MYH14: variants seen among roughly 807,000 people sequenced by gnomAD.
MYH14 encodes myosin heavy chain 14.
A neutral mutation model predicts 255.5 loss-of-function variants in MYH14; 123 were observed. The observed-to-expected ratio is 0.48, with a 90% CI of 0.42 to 0.56. MYH14 has a LOEUF of 0.56. Ranked by LOEUF, MYH14 falls within the 20% of genes least tolerant of loss-of-function variation. The probability of loss-of-function intolerance (pLI) is 0.00; values close to 1 mark genes in which losing one functional copy is unlikely to be tolerated. For synonymous variants in MYH14, 1,095 were observed against 1,161.2 expected (o/e 0.94, Z 1.16); for missense variants, 2,423 against 2,802.3 (o/e 0.86, Z 3.06).
chr19:50,223,363 C>T lies in MYH14; in HGVS notation c.693+14C>T. On this transcript the variant is annotated intron_variant, in intron 5 of 42. Transcript: ENST00000642316. ...CCGGGTGTCCCCGTAAGCAACCCCG[C>T]CTTGGGTCACCCCCGGGCCCTGCCA... 3 of 1,533,988 alleles carry T rather than the reference C, an allele frequency of 2.0e-6. No individual in the cohort carries two copies. Among genetic ancestry groups the T allele is most frequent in the East Asian group, 2.4e-5 (1 of 41,060 alleles).
In MYH14 at chr19:50,286,704, G is replaced by A; in HGVS notation, c.4752+10G>A. ...TGACGTCGGCAAGAGCGTGAGCAGG[G>A]CCCCCGCTCCCCGGGACACACTGGG... On this transcript the variant is annotated intron_variant, in intron 34 of 42. Coordinates refer to ENST00000642316, the MANE Select transcript of MYH14 (RefSeq NM_001145809.2). 6.4e-7 allele frequency: 1 copy of A among 1,560,764 alleles called. No homozygotes were observed. Among genetic ancestry groups the A allele is most frequent in the Non-Finnish European group, 8.7e-7 (1 of 1,153,792 alleles).
chr19:50,301,699 T>C lies in MYH14; in HGVS notation c.5508T>C (p.Ser1836=), dbSNP rs1182303986. ...SLTTELSAER[S]FSAKAESGRQ... Reference sequence around the variant, plus strand: ...CCACAGAGCTGTCAGCTGAGCGCAGTTTCTCAGCCAAGGCAGAGAGCGGGC... The same window carrying C: ...CCACAGAGCTGTCAGCTGAGCGCAGCTTCTCAGCCAAGGCAGAGAGCGGGC... Residue 1836 remains serine (S), a synonymous_variant, in exon 40 of 43, where the codon AGT becomes AGC. Coordinates refer to ENST00000642316, the MANE Select transcript of MYH14 (RefSeq NM_001145809.2). The C allele has an allele frequency of 1.2e-6, 2 of 1,613,706 alleles. No homozygotes were observed. Among genetic ancestry groups the C allele is most frequent in the Non-Finnish European group, 1.7e-6 (2 of 1,179,786 alleles).
chr19:50,307,148 C>A lies in MYH14; in HGVS notation c.5778C>A (p.Leu1926=). The change falls in exon 41 of 43, where the codon CTC becomes CTA. Residue 1926 remains leucine, a synonymous_variant. Coordinates refer to ENST00000642316, the MANE Select transcript of MYH14 (RefSeq NM_001145809.2). The part of the protein sequence containing the change: ...VEEERRVADQ[L]RDQLEKGNLR... ...AGGAGCGGAGGGTGGCTGACCAGCT[C>A]CGGGACCAGGTAAGCAGCTGGCATC... The A allele has an allele frequency of 6.5e-7, 1 of 1,546,562 alleles. No homozygotes were observed. The highest frequency in any genetic ancestry group is 8.7e-7 in the Non-Finnish European group (1 of 1,144,262).
At chr19:50,244,810 C>T (rs2034038235) in intron 11 of MYH14, among the ~76,000 whole-genome samples, 1 of 152,038 alleles carries the variant, frequency 6.6e-6, no homozygotes, top group African/African-American at 2.4e-5. Context: ...TGAGTCTTTG[C>T]CAAAATAACA....
In MYH14 at chr19:50,248,778, C is replaced by T. The variant is rs373135359; in HGVS notation, c.1330-209C>T. Among the ~76,000 whole-genome samples, 75 of 152,306 alleles carry T rather than the reference C, an allele frequency of 4.9e-4. 1 individual carries two copies. The South Asian group carries it at 0.014, about 29-fold the overall frequency. On this transcript the variant is annotated intron_variant, in intron 12 of 42. Transcript: ENST00000642316. Reference sequence around the variant, plus strand: ...GGAAGGATTCAAGGGCTAACACATCCGAGCCCGTCATGTAGTACCTGGTGC... The same window carrying T: ...GGAAGGATTCAAGGGCTAACACATCTGAGCCCGTCATGTAGTACCTGGTGC...
At chr19:50,272,180 C>T (rs1017367331) in intron 26 of MYH14, among the ~76,000 whole-genome samples, 1 of 152,166 alleles carries the variant, frequency 6.6e-6, no homozygotes, top group African/African-American at 2.4e-5. Context: ...CTTGGGTTGT[C>T]CTCCTTTCTT....
rs773145169 is a variant in MYH14, at chr19:50,292,351, C to T, written c.5218C>T (p.Leu1740Phe). 1 of 1,592,018 alleles carries T rather than the reference C, an allele frequency of 6.3e-7. No homozygotes were observed. Among genetic ancestry groups the T allele is most frequent in the Non-Finnish European group, 8.5e-7 (1 of 1,169,870 alleles). The change falls in exon 37 of 43, where the codon CTC (leucine) becomes TTC (phenylalanine). Residue 1740 changes from leucine to phenylalanine, a missense_variant. Physicochemically the swap from Leu to Phe is conservative, Grantham distance 22. This residue lies in a region of MYH14 where 1,513 missense variants were observed against 1,674.8 expected (regional missense o/e 0.90). Coordinates refer to ENST00000642316, the MANE Select transcript of MYH14 (RefSeq NM_001145809.2). ...FSQNRESEKRLKGLEAEVLRL... is the reference protein window; with the variant it reads ...FSQNRESEKRFKGLEAEVLRL... ...CCAGAATCGGGAAAGTGAAAAGCGC[C>T]TCAAGGGCCTGGAGGCTGAGGTGCT...
chr19:50,267,027 G>A lies in MYH14; in HGVS notation c.2826+19G>A. The A allele has an allele frequency of 6.5e-7, 1 of 1,536,492 alleles. No individual in the cohort carries two copies. The highest frequency in any genetic ancestry group is 1.2e-5 in the South Asian group (1 of 84,112). ...GGCACAGGTGAGGGGGCGGGGGCAG[G>A]GCGTGGGGGCGTGTCTTCGGGGTGG... On this transcript the variant is annotated intron_variant, in intron 23 of 42. Coordinates refer to ENST00000642316, the MANE Select transcript of MYH14 (RefSeq NM_001145809.2).
At chr19:50,237,608 G>A (rs1353986554) in intron 10 of MYH14, among the ~76,000 whole-genome samples, 1 of 152,138 alleles carries the variant, frequency 6.6e-6, no homozygotes. Context: ...GATTACAGGC[G>A]TGAGCCACCG....
At position 50,268,198 on chromosome 19, in the gene MYH14, G is replaced by T. The variant is rs576611342; in HGVS notation, c.2864G>T (p.Arg955Leu). ...EERARLAEQLRAEAELCAEAE... is the reference protein window; with the variant it reads ...EERARLAEQLLAEAELCAEAE... ...CGCGCCCGCCTGGCAGAGCAATTGC[G>T]AGCAGAGGCAGAACTGTGTGCAGAG... The change falls in exon 24 of 43, where the codon CGA becomes CTA. Residue 955 changes from arginine (R) to leucine (L), a missense_variant. By Grantham distance (102) the Arg-to-Leu change is moderately radical. Coordinates refer to ENST00000642316, the MANE Select transcript of MYH14 (RefSeq NM_001145809.2). The T allele has an allele frequency of 1.3e-6, 2 of 1,554,306 alleles. No individual in the cohort carries two copies. Among genetic ancestry groups the T allele is most frequent in the Non-Finnish European group, 8.7e-7 (1 of 1,150,090 alleles).
At chr19:50,260,240 T>A (rs2034772673) in intron 19 of MYH14, among the ~76,000 whole-genome samples, 2 of 151,954 alleles carry the variant, frequency 1.3e-5, no homozygotes, top group African/African-American at 4.8e-5. Flanking sequence ...AGCCTGGCCA[T>A]CATGGAGAAA....
chr19:50,242,020 G>A (rs1003620130), intron 10 of MYH14, among the ~76,000 whole-genome samples: 2 of 152,162 alleles, frequency 1.3e-5, no homozygotes, highest in Non-Finnish European at 2.9e-5. Flanking sequence ...AAACTGTTGG[G>A]AATTTGTTGC....
intron 30 of MYH14, 94 bp from the exon 31 acceptor site, chr19:50,279,943 C>T: frequency 2.2e-6 from 2 of 914,064 alleles, no homozygotes; most frequent in Non-Finnish European, 3.5e-6. Context: ...TGTAACATTT[C>T]ACATTCCTGC....
chr19:50,293,467 G>T lies in MYH14; in HGVS notation c.5346-97G>T, dbSNP rs1249366775. 2.6e-6 allele frequency: 4 copies of T among 1,557,402 alleles called. No individual in the cohort carries two copies. The highest frequency in any genetic ancestry group is 1.4e-5 in the African/African-American group (1 of 73,792). On this transcript the variant is annotated intron_variant, in intron 38 of 42. Transcript: ENST00000642316. The surrounding 1 kb of genome is among the most constrained non-coding windows in gnomAD (Gnocchi z 4.1). ...GGCCCCTGGGGTGTGAGGCTGGGGAGATGCGTGGGGCTAACCACAGGGTCC... is the reference window on the plus strand; with the variant it reads ...GGCCCCTGGGGTGTGAGGCTGGGGATATGCGTGGGGCTAACCACAGGGTCC...
Position 50,234,155 on chromosome 19 carries a change from G to A in MYH14, c.1114+2085G>A, listed in dbSNP as rs1005062063. Among the ~76,000 whole-genome samples the A allele has an allele frequency of 2.6e-4, 40 of 151,972 alleles. 1 individual carries two copies. Among genetic ancestry groups the A allele is most frequent in the Non-Finnish European group, 1.5e-5 (1 of 68,004 alleles). On this transcript the variant is annotated intron_variant, in intron 10 of 42. Coordinates refer to ENST00000642316, the MANE Select transcript of MYH14 (RefSeq NM_001145809.2). ...CACTGGTATGATTTTATCTTAACTC[G>A]TTACATCCGTAATGACCCTGTTTCC...
intron 39 of MYH14, among the ~76,000 whole-genome samples, chr19:50,297,211 C>T (rs1195325930): frequency 6.6e-6 from 1 of 152,046 alleles, no homozygotes; most frequent in African/African-American, 2.4e-5. Flanking sequence ...CTCTCAAACT[C>T]CTGACCTCGT....
At position 50,263,146 on chromosome 19, in the gene MYH14, C is replaced by T. The variant is rs1968381; in HGVS notation, c.2586-166C>T. Among the ~76,000 whole-genome samples the T allele has an allele frequency of 0.28, 42,053 of 151,936 alleles. 6,145 individuals carry two copies. Among genetic ancestry groups the T allele is most frequent in the East Asian group, 0.53 (2,732 of 5,144 alleles). ...CCTGGGAGGTGGAGGTTGCAGTGAG[C>T]CCAGATCATGCCATTGCACTCCAGC... On this transcript the variant is annotated intron_variant, in intron 21 of 42. Transcript: ENST00000642316.
chr19:50,295,051 C>T (rs1473590557), intron 39 of MYH14, among the ~76,000 whole-genome samples: 6 of 148,544 alleles, frequency 4.0e-5, no homozygotes, highest in Non-Finnish European at 5.9e-5. Context: ...TGTGGCCGGG[C>T]GCGGTGGCTC....
In MYH14 at chr19:50,293,282, A is replaced by T. The variant is rs373440705; in HGVS notation, c.5306A>T (p.Asp1769Val). The T allele has an allele frequency of 4.3e-6, 7 of 1,609,614 alleles. No homozygotes were observed. Among genetic ancestry groups the T allele is most frequent in the Non-Finnish European group, 5.1e-6 (6 of 1,178,280 alleles). ...CGGCGGCAGGCCCAGCAGGACCGGG[A>T]TGAGATGGCAGATGAGGTGGCCAAT... is the stretch of plus-strand genomic sequence containing the variant. ...RARRQAQQDRDEMADEVANGN... is the reference protein window; with the variant it reads ...RARRQAQQDRVEMADEVANGN... The change falls in exon 38 of 43, where the codon GAT becomes GTT. Residue 1769 changes from aspartate (D) to valine (V), a missense_variant. This residue lies in a region of MYH14 where 1,513 missense variants were observed against 1,674.8 expected (regional missense o/e 0.90). Coordinates refer to ENST00000642316, the MANE Select transcript of MYH14 (RefSeq NM_001145809.2). This position sits in a 1 kb window ranked among gnomAD's most constrained non-coding sequence, Gnocchi z 4.1.
Sources: gnomAD v4.1 joint callset for allele counts (sites outside exome capture counted in the v4.1 genomes callset) on GRCh38, gnomAD v4.1.1 for gene constraint, gnomAD v4.1.1 regional missense constraint, Gnocchi (gnomAD v3.1) non-coding constraint, MANE v1.5 for transcripts, NCBI Gene and HGNC (gene_info 2026-07-23, HGNC 2026-07-21) for gene names.